The following SMIM31 variants were observed in gnomAD, a reference collection of about 807,000 sequenced individuals.
SMIM31 encodes small integral membrane protein 31, also known as human epithelial cell program regulator.
chr4:164,759,359 C>T (rs556991524), intron 1 of SMIM31, among the ~76,000 whole-genome samples: 1 of 152,172 alleles, frequency 6.6e-6, no homozygotes, highest in Non-Finnish European at 1.5e-5. Context: ...AAGGAGACTG[C>T]TAATAATAAT....
At chr4:164,765,891 G>C (rs751629009) in intron 1 of SMIM31, among the ~76,000 whole-genome samples, 1 of 152,110 alleles carries the variant, frequency 6.6e-6, no homozygotes, top group Non-Finnish European at 1.5e-5. Flanking sequence ...TTTTTCTTTA[G>C]ATGAAGGCAG....
rs1369131939 is a variant in SMIM31, at chr4:164,803,582, G to A, written c.*2388G>A. On this transcript the variant is annotated 3_prime_UTR_variant, in exon 3 of 3. Coordinates refer to ENST00000507311, the MANE Select transcript of SMIM31 (RefSeq NM_001352885.1). ...AGCCGAGGTGGGTGGATCACCTGAG[G>A]TCAAGAGTTAGAGACCAGCCTGGCC... 5 of 152,080 alleles carry A rather than the reference G, an allele frequency of 3.3e-5. No homozygotes were observed. Among genetic ancestry groups the A allele is most frequent in the African/African-American group, 1.2e-4 (5 of 41,400 alleles). 9.4% of individuals were successfully genotyped at this position (152,080 alleles called of 1,614,324 possible). A position where few individuals can be genotyped will look rare whatever the true frequency, so the allele number is the denominator to read the frequency against.
In SMIM31 at chr4:164,754,223, A is replaced by G. The variant is rs948312793; in HGVS notation, c.-214A>G. The stretch of plus-strand genomic sequence containing the variant: ...TCCTGATTAAAACTCCAGCTAAGAC[A>G]TTAGTAAGCCTTGGTTAGTGAAGTG... On this transcript the variant is annotated 5_prime_UTR_variant, in exon 1 of 3. Transcript: ENST00000507311. 1.3e-5 allele frequency: 2 copies of G among 152,194 alleles called. No individual in the cohort carries two copies. The highest frequency in any genetic ancestry group is 2.9e-5 in the Non-Finnish European group (2 of 68,034). The allele number at this position is 152,194 out of a possible 1,614,324, so 9.4% of individuals were successfully genotyped here.
At chr4:164,787,250 AT>A (rs1733036378) in intron 2 of SMIM31, 1 of 152,116 alleles carries the variant, frequency 6.6e-6, no homozygotes, top group Non-Finnish European at 1.5e-5. Flanking sequence ...GTGTGCCAAG[AT>A]TTTTTTAAAC....
chr4:164,774,428 G>C (rs950897763), intron 2 of SMIM31, among the ~76,000 whole-genome samples: 3 of 152,156 alleles, frequency 2.0e-5, no homozygotes, highest in African/African-American at 7.2e-5. Flanking sequence ...AATAGAATTA[G>C]ACCACCTATC....
chr4:164,786,151 C>T (rs1350503604), intron 2 of SMIM31, among the ~76,000 whole-genome samples: 1 of 152,156 alleles, frequency 6.6e-6, no homozygotes, highest in African/African-American at 2.4e-5. Context: ...TTTTGTGACA[C>T]AATTTCCCAG....
At chr4:164,795,597 T>C (rs1733180456) in intron 2 of SMIM31, among the ~76,000 whole-genome samples, 1 of 149,822 alleles carries the variant, frequency 6.7e-6, no homozygotes, top group Admixed American at 6.7e-5. Context: ...AGAATCCTAA[T>C]TTGTTAGAGT....
chr4:164,784,899 G>GTTCTT (rs1553966042), intron 2 of SMIM31, among the ~76,000 whole-genome samples: 15 of 146,270 alleles, frequency 1.0e-4, no homozygotes, highest in African/African-American at 3.5e-4. Flanking sequence ...ATTTGTTTGG[G>GTTCTT]TTTTTTTTTT....
chr4:164,765,761 T>G (rs1185631924), intron 1 of SMIM31, among the ~76,000 whole-genome samples: 2 of 152,268 alleles, frequency 1.3e-5, no homozygotes, highest in Non-Finnish European at 2.9e-5. Flanking sequence ...CTCACAGATT[T>G]TTTTCAGCCC....
intron 1 of SMIM31, among the ~76,000 whole-genome samples, chr4:164,766,699 G>C (rs1166538761): frequency 6.6e-6 from 1 of 152,012 alleles, no homozygotes; most frequent in East Asian, 1.9e-4. Flanking sequence ...TCGGGGGACT[G>C]AGGCAGGAGA....
chr4:164,754,599 G>T, intron 1 of SMIM31, among the ~76,000 whole-genome samples, 188 bp downstream of exon 1: 1 of 109,810 alleles, frequency 9.1e-6, no homozygotes, highest in South Asian at 3.1e-4. Context: ...AATGGCTAAA[G>T]AGGGAAGGAA....
At chr4:164,774,855 T>C (rs548280936) in intron 2 of SMIM31, among the ~76,000 whole-genome samples, 3 of 152,346 alleles carry the variant, frequency 2.0e-5, no homozygotes, top group South Asian at 2.1e-4. Flanking sequence ...AAATTCACTT[T>C]AGTTGATCCA....
intron 2 of SMIM31, among the ~76,000 whole-genome samples, chr4:164,792,069 A>C (rs890039529): frequency 6.6e-6 from 1 of 152,228 alleles, no homozygotes; most frequent in African/African-American, 2.4e-5. Context: ...AGTGCGTCTC[A>C]AAACTTTAAT....
At chr4:164,770,372 C>A in intron 1 of SMIM31, 47 bp from the exon 2 acceptor site, 1 of 398,528 alleles carries the variant, frequency 2.5e-6, no homozygotes, top group South Asian at 1.3e-4. Flanking sequence ...TGAGCAAGCT[C>A]TCTCTGGATT....
At chr4:164,798,095 G>C (rs1163464880) in intron 2 of SMIM31, among the ~76,000 whole-genome samples, 1 of 152,026 alleles carries the variant, frequency 6.6e-6, no homozygotes, top group Non-Finnish European at 1.5e-5. Flanking sequence ...AGTAATCCAT[G>C]GTGTATACAT....
chr4:164,771,668 G>A lies in SMIM31; in HGVS notation c.112+1113G>A, dbSNP rs769106887. ...TACAAAAAAAAAAAAAATTAGCTGG[G>A]CTTGGTAGCACGCACCTGTAGCTCC... On this transcript the variant is annotated intron_variant, in intron 2 of 2. Transcript: ENST00000507311. Among the ~76,000 whole-genome samples, 43 of 152,144 alleles carry A rather than the reference G, an allele frequency of 2.8e-4. 1 individual carries two copies. In the Middle Eastern group the frequency reaches 0.014, roughly 48 times the overall value.
chr4:164,788,520 G>A (rs1478772387), intron 2 of SMIM31, among the ~76,000 whole-genome samples: 17 of 57,122 alleles, frequency 3.0e-4, no homozygotes, highest in African/African-American at 1.0e-3. Context: ...ACGGAGTTTC[G>A]CTCTGGTTGC....
At chr4:164,783,591 A>G (rs1045087030) in intron 2 of SMIM31, among the ~76,000 whole-genome samples, 3 of 121,534 alleles carry the variant, frequency 2.5e-5, no homozygotes, top group Non-Finnish European at 4.9e-5. Flanking sequence ...AATTTCAGAA[A>G]ACAGTGTTTT....
In SMIM31 at chr4:164,794,391, AAAG is replaced by A. The variant is rs760025683; in HGVS notation, c.113-6685_113-6683del. Among the ~76,000 whole-genome samples, 83 of 151,814 alleles carry A rather than the reference AAAG, an allele frequency of 5.5e-4. 1 individual carries two copies. In the East Asian group the frequency reaches 0.01, roughly 19 times the overall value. On this transcript the variant is annotated intron_variant, in intron 2 of 2. Transcript: ENST00000507311. ...GAATGAGACCCTGTCTCAGAAGAAA[AAAG>A]AAGAAGAAGAAGAAAGAGGAAGAAA...
Sources: gnomAD v4.1 joint callset for allele counts (sites outside exome capture counted in the v4.1 genomes callset) on GRCh38, gnomAD v4.1.1 for gene constraint, MANE v1.5 for transcripts, NCBI Gene and HGNC (gene_info 2026-07-23, HGNC 2026-07-21) for gene names.